SYN3: variants seen among roughly 807,000 people sequenced by gnomAD.
SYN3 encodes the protein synapsin-3.
A neutral mutation model predicts 65.8 loss-of-function variants in SYN3; 35 were observed. The observed-to-expected ratio is 0.53, with a 90% confidence interval of 0.41 to 0.70. The LOEUF is 0.70. SYN3 is among the 30% of genes least tolerant of loss of function. SYN3 has a pLI of 0.00. For missense variants in SYN3, 680 were observed against 749.0 expected (o/e 0.91, Z 1.08); for synonymous variants, 270 against 292.9 (o/e 0.92, Z 0.80).
At chr22:32,917,342 C>T (rs2050211300) in intron 4 of SYN3, among the ~76,000 whole-genome samples, 1 of 152,090 alleles carries the variant, frequency 6.6e-6, no homozygotes, top group African/African-American at 2.4e-5. Context: ...GAACTGGAGA[C>T]CTACTCCTCC....
intron 6 of SYN3, among the ~76,000 whole-genome samples, chr22:32,740,193 A>C (rs1056921063): frequency 2.6e-5 from 4 of 152,212 alleles, no homozygotes; most frequent in African/African-American, 9.6e-5. Context: ...CAACAGGTGT[A>C]ATTAGCAGCC....
intron 6 of SYN3, among the ~76,000 whole-genome samples, chr22:32,624,406 C>T (rs2059637059): frequency 6.6e-6 from 1 of 152,232 alleles, no homozygotes; most frequent in African/African-American, 2.4e-5. Flanking sequence ...GGTGGATACA[C>T]ACCTGCCCGG....
At chr22:32,763,368 G>A (rs1360701435) in intron 6 of SYN3, among the ~76,000 whole-genome samples, 1 of 151,666 alleles carries the variant, frequency 6.6e-6, no homozygotes, top group East Asian at 1.9e-4. Context: ...AGCCAGGATG[G>A]TCTTGATCTC....
At chr22:33,019,017 C>G (rs557329118) in intron 1 of SYN3, among the ~76,000 whole-genome samples, 2 of 152,262 alleles carry the variant, frequency 1.3e-5, no homozygotes, top group East Asian at 3.9e-4. Flanking sequence ...TTGCCTATTA[C>G]AACAGGCTCC....
At chr22:32,641,607 CAAA>C (rs34461957) in intron 6 of SYN3, among the ~76,000 whole-genome samples, 19 of 67,954 alleles carry the variant, frequency 2.8e-4, no homozygotes, top group African/African-American at 1.0e-3. Flanking sequence ...GACTCCATCT[CAAA>C]AAAAAAAAAA....
chr22:32,585,639 G>T (rs1456359144), intron 7 of SYN3, among the ~76,000 whole-genome samples: 1 of 152,150 alleles, frequency 6.6e-6, no homozygotes, highest in Non-Finnish European at 1.5e-5. Flanking sequence ...GGCAGAGGAA[G>T]ATCTCAGGTA....
At chr22:33,032,205 GT>G (rs1161842134) in intron 1 of SYN3, among the ~76,000 whole-genome samples, 1 of 136,582 alleles carries the variant, frequency 7.3e-6, no homozygotes, top group East Asian at 2.5e-4. Flanking sequence ...GCAAGGCTCT[GT>G]CTTTAAAAAA....
intron 6 of SYN3, among the ~76,000 whole-genome samples, chr22:32,721,531 C>T (rs1300745712): frequency 6.6e-6 from 1 of 152,186 alleles, no homozygotes; most frequent in African/African-American, 2.4e-5. Context: ...CCATTTCATT[C>T]TCCTTTATTT....
At chr22:32,975,037 C>T (rs1280324115) in intron 3 of SYN3, among the ~76,000 whole-genome samples, 1 of 152,126 alleles carries the variant, frequency 6.6e-6, no homozygotes. Flanking sequence ...CTGTGCTCAA[C>T]TCAAATGTTA....
At chr22:32,824,844 T>C (rs919507750) in intron 6 of SYN3, among the ~76,000 whole-genome samples, 1 of 152,198 alleles carries the variant, frequency 6.6e-6, no homozygotes, top group Non-Finnish European at 1.5e-5. Context: ...AGATGCTCCC[T>C]ACTCTTGCAG....
In SYN3 at chr22:33,039,094, T is replaced by G. The variant is rs576061324; in HGVS notation, c.-163+19198A>C. Among the ~76,000 whole-genome samples the G allele has an allele frequency of 2.8e-4, 42 of 152,276 alleles. 1 individual carries two copies. The highest frequency in any genetic ancestry group is 5.9e-4 in the Admixed American group (9 of 15,302). On this transcript the variant is annotated intron_variant, in intron 1 of 13. Transcript: ENST00000358763. ...CCTCAACATTCTGAAGATGAGCTAT[T>G]CAGCAAGGACTCTGTGCACCAGGCT...
At chr22:32,680,045 T>C (rs1000937931) in intron 6 of SYN3, among the ~76,000 whole-genome samples, 4 of 152,098 alleles carry the variant, frequency 2.6e-5, no homozygotes, top group Non-Finnish European at 5.9e-5. Context: ...TTTATTTATG[T>C]CCTCAGCACC....
At chr22:32,952,673 C>T (rs966142402) in intron 3 of SYN3, among the ~76,000 whole-genome samples, 32 of 152,092 alleles carry the variant, frequency 2.1e-4, no homozygotes, top group African/African-American at 7.0e-4. Context: ...AAGGCTCACT[C>T]GAGCCCACGA....
rs538917450 is a variant in SYN3 at position 32,946,237 on chromosome 22, G to C, written c.370-14756C>G. 9.1e-3 allele frequency among the ~76,000 whole-genome samples: 1,382 copies of C among 152,240 alleles called. 18 individuals are homozygous for C. The highest frequency in any genetic ancestry group is 0.031 in the African/African-American group (1,287 of 41,526). On this transcript the variant is annotated intron_variant, in intron 3 of 13. Transcript: ENST00000358763. ...AAATCATGCTGCTATAAAGACACAT[G>C]CACACGTATGTTTATTGCGGCACTA...
At chr22:33,007,440 G>A (rs756267087) in intron 1 of SYN3, among the ~76,000 whole-genome samples, 28 of 152,006 alleles carry the variant, frequency 1.8e-4, no homozygotes, top group Non-Finnish European at 3.1e-4. Flanking sequence ...CTATGGACCG[G>A]CATGTCCCCC....
intron 6 of SYN3, among the ~76,000 whole-genome samples, chr22:32,854,364 T>C (rs1319483511): frequency 1.3e-5 from 2 of 152,138 alleles, no homozygotes; most frequent in African/African-American, 4.8e-5. Context: ...GTTGAGTTCT[T>C]ACTGAGCAGT....
intron 3 of SYN3, among the ~76,000 whole-genome samples, chr22:32,941,158 A>G (rs16991580): frequency 0.033 from 5,070 of 152,308 alleles, 292 homozygotes; most frequent in African/African-American, 0.12. Flanking sequence ...CACAATTCTT[A>G]ACAGCTTGTT....
At chr22:32,789,372 G>GT (rs1013972951) in intron 6 of SYN3, among the ~76,000 whole-genome samples, 5 of 152,160 alleles carry the variant, frequency 3.3e-5, no homozygotes, top group African/African-American at 1.2e-4. Flanking sequence ...ACCTTCAAGT[G>GT]TTTTGGAAAG....
chr22:32,515,351 A>G (rs1013921012), intron 13 of SYN3, among the ~76,000 whole-genome samples: 15 of 152,240 alleles, frequency 9.9e-5, no homozygotes, highest in African/African-American at 3.6e-4. Context: ...CCAACTGTGC[A>G]TAAACTCATT....
Sources: allele counts gnomAD v4.1 joint callset (sites outside exome capture counted in the v4.1 genomes callset), GRCh38; gene constraint gnomAD v4.1.1; transcripts MANE v1.5; gene names NCBI Gene and HGNC (gene_info 2026-07-23, HGNC 2026-07-21).